SLC26A8: variants seen among roughly 807,000 people sequenced by gnomAD.
SLC26A8 encodes the protein testis anion transporter 1.
Under a neutral mutation model 105.0 loss-of-function variants are expected in SLC26A8, and 70 were observed. The observed-to-expected ratio is 0.67, with a 90% CI of 0.55 to 0.81. SLC26A8 has a LOEUF of 0.81. SLC26A8 is among the 40% of genes least tolerant of loss of function. SLC26A8 has a pLI of 0.00. For synonymous variants in SLC26A8, 415 were observed against 438.3 expected (o/e 0.95, Z 0.66); for missense variants, 998 against 1,181.8 (o/e 0.84, Z 2.28).
At chr6:35,990,230 C>A in intron 7 of SLC26A8, 1 of 175,940 alleles carries the variant, frequency 5.7e-6, no homozygotes, top group Non-Finnish European at 1.2e-5. Flanking sequence ...AGCCACCGCA[C>A]CTGGCCTCTG....
intron 11 of SLC26A8, among the ~76,000 whole-genome samples, chr6:35,965,407 G>A (rs1274440186): frequency 6.6e-6 from 1 of 152,002 alleles, no homozygotes; most frequent in Admixed American, 6.6e-5. Flanking sequence ...GGCTGGGCGT[G>A]GTGGCTCACA....
chr6:36,022,648 G>C (rs1254818814), intron 1 of SLC26A8, among the ~76,000 whole-genome samples: 4 of 152,110 alleles, frequency 2.6e-5, no homozygotes, highest in Non-Finnish European at 5.9e-5. Flanking sequence ...AGGATGGCTA[G>C]GAGGAGCAGG....
intron 16 of SLC26A8, among the ~76,000 whole-genome samples, chr6:35,957,847 C>G (rs1468076744): frequency 1.3e-5 from 2 of 152,152 alleles, no homozygotes; most frequent in African/African-American, 2.4e-5. Context: ...CCCAGGTGAT[C>G]CGCCTGCCTC....
intron 3 of SLC26A8, among the ~76,000 whole-genome samples, chr6:36,011,906 C>G (rs1186533205): frequency 1.3e-5 from 2 of 152,068 alleles, no homozygotes; most frequent in Non-Finnish European, 2.9e-5. Flanking sequence ...ACTATGCCCA[C>G]CTATCCTTCC....
intron 8 of SLC26A8, among the ~76,000 whole-genome samples, chr6:35,980,674 G>C (rs1773232155): frequency 6.6e-6 from 1 of 152,064 alleles, no homozygotes; most frequent in Non-Finnish European, 1.5e-5. Context: ...ATTTCATTGA[G>C]AACTGGGTAG....
intron 1 of SLC26A8, among the ~76,000 whole-genome samples, chr6:36,020,605 CGA>C (rs1371733248): frequency 6.6e-6 from 1 of 151,814 alleles, no homozygotes; most frequent in Non-Finnish European, 1.5e-5. Flanking sequence ...GGTGTCAGAG[CGA>C]GACCCTGTCT....
chr6:36,017,515 C>T (rs913930476), intron 2 of SLC26A8, among the ~76,000 whole-genome samples: 2 of 152,028 alleles, frequency 1.3e-5, no homozygotes, highest in Non-Finnish European at 2.9e-5. Context: ...GCCTGTAGTC[C>T]CCACTACTCA....
intron 7 of SLC26A8, among the ~76,000 whole-genome samples, chr6:35,986,749 C>CT (rs141849133): frequency 0.013 from 2,009 of 150,554 alleles, 25 homozygotes; most frequent in African/African-American, 0.033. Context: ...GAAGGATTTC[C>CT]TTTTTTTTTA....
In SLC26A8 at chr6:35,954,436, A is replaced by T. The variant is rs543149668; in HGVS notation, c.2232+716T>A. 7.3e-4 allele frequency among the ~76,000 whole-genome samples: 111 copies of T among 152,284 alleles called. 1 individual carries two copies. The highest frequency in any genetic ancestry group is 2.4e-3 in the African/African-American group (100 of 41,556). On this transcript the variant is annotated intron_variant, in intron 17 of 19. Transcript: ENST00000490799. ...TTACAGTGCTGGCTCAGATCAGCTG[A>T]ACTGTGGAGAATTCCTGGTGAGCTG...
At chr6:35,969,025 C>T (rs769215317) in intron 10 of SLC26A8, 71 bp from the exon 11 acceptor site, 1 of 1,352,934 alleles carries the variant, frequency 7.4e-7, no homozygotes, top group African/African-American at 1.4e-5. Flanking sequence ...CTGAGGCCTT[C>T]TGCTTGGTGA....
intron 9 of SLC26A8, among the ~76,000 whole-genome samples, chr6:35,976,988 C>T (rs1773062452): frequency 6.6e-6 from 1 of 152,148 alleles, no homozygotes; most frequent in South Asian, 2.1e-4. Context: ...TTTCTGGCCT[C>T]TCTGTATCAT....
At chr6:36,001,321 G>C (rs1386812445) in intron 3 of SLC26A8, among the ~76,000 whole-genome samples, 1 of 152,038 alleles carries the variant, frequency 6.6e-6, no homozygotes, top group Non-Finnish European at 1.5e-5. Context: ...GTAGAGATGG[G>C]GTTTCACCGT....
chr6:35,950,706 A>G (rs771316902), intron 19 of SLC26A8, among the ~76,000 whole-genome samples: 5 of 152,236 alleles, frequency 3.3e-5, no homozygotes, highest in Non-Finnish European at 7.3e-5. Flanking sequence ...GAGGTATTAG[A>G]CAAGATTATA....
At chr6:35,963,299 T>C (rs1047735623) in intron 11 of SLC26A8, among the ~76,000 whole-genome samples, 4 of 152,134 alleles carry the variant, frequency 2.6e-5, no homozygotes, top group African/African-American at 9.7e-5. Flanking sequence ...TTCCCTAATA[T>C]CTCAAACTGG....
rs1459358346 is a variant in SLC26A8 at position 35,962,538 on chromosome 6, G to A, written c.1449C>T (p.Asp483=). The A allele has an allele frequency of 1.9e-6, 3 of 1,613,768 alleles. No individual in the cohort carries two copies. The African/African-American group carries it at 4.0e-5, about 22-fold the overall frequency. Residue 483 remains aspartate (D), a synonymous_variant, in exon 12 of 20, where the codon GAC becomes GAT. Coordinates refer to ENST00000490799, the MANE Select transcript of SLC26A8 (RefSeq NM_052961.4). ...CATCTACACTCACACAGTCATATTG[G>A]TCCTGCCTCCACAGGCTGGGTAGGT... ...ISNLPSLWRQ[D]QYDCALWMMT...
Position 35,986,517 on chromosome 6 carries a change from T to C in SLC26A8, c.943-4314A>G, listed in dbSNP as rs183978388. Among the ~76,000 whole-genome samples, 456 of 152,276 alleles carry C rather than the reference T, an allele frequency of 3.0e-3. 1 individual carries two copies. Among genetic ancestry groups the C allele is most frequent in the African/African-American group, 9.3e-3 (385 of 41,550 alleles). On this transcript the variant is annotated intron_variant, in intron 7 of 19. Transcript: ENST00000490799. Reference sequence around the variant, plus strand: ...TCCCCAAACCACTCTCCCGCAACTCTAGACCCTGGTAACCACCATTCTACT... The same window carrying C: ...TCCCCAAACCACTCTCCCGCAACTCCAGACCCTGGTAACCACCATTCTACT...
chr6:35,969,947 G>C (rs1562032360), intron 10 of SLC26A8: 1 of 152,178 alleles, frequency 6.6e-6, no homozygotes, highest in Non-Finnish European at 1.5e-5. Flanking sequence ...TCAAAATAAA[G>C]GTGGAAAACT....
Position 35,999,987 on chromosome 6 carries a change from C to T in SLC26A8, c.445+5G>A. 1 of 1,586,568 alleles carries T rather than the reference C, an allele frequency of 6.3e-7. No homozygotes were observed. The highest frequency in any genetic ancestry group is 1.3e-5 in the African/African-American group (1 of 74,520). ...ACCGCATGTGTATTTCAGTGCTGAA[C>T]TCACCAATGGACATTTGATGACACG... On this transcript the variant is annotated splice_donor_5th_base_variant and intron_variant, in intron 4 of 19. Coordinates refer to ENST00000490799, the MANE Select transcript of SLC26A8 (RefSeq NM_052961.4).
At position 36,009,383 on chromosome 6, in the gene SLC26A8, C is replaced by CAAA. The variant is rs1554168127; in HGVS notation, c.328+2847_328+2849dup. ...ACAACAACAACAACAACAACAACAA[C>CAAA]AAACCTGCACATGAATGTTCATATC... On this transcript the variant is annotated intron_variant, in intron 3 of 19. Transcript: ENST00000490799. 7.9e-3 allele frequency among the ~76,000 whole-genome samples: 1,184 copies of CAAA among 149,306 alleles called. 120 individuals are homozygous for CAAA. Among genetic ancestry groups the CAAA allele is most frequent in the African/African-American group, 0.028 (1,124 of 40,174 alleles).
Sources: allele counts gnomAD v4.1 joint callset (sites outside exome capture counted in the v4.1 genomes callset), GRCh38; gene constraint gnomAD v4.1.1; transcripts MANE v1.5; gene names NCBI Gene and HGNC (gene_info 2026-07-23, HGNC 2026-07-21).